Variants in PHLPP1 observed in about 807,000 individuals in gnomAD.
PHLPP1 encodes the protein PH domain and leucine rich repeat protein phosphatase 1.
Under a neutral mutation model 117.2 loss-of-function variants are expected in PHLPP1, and 42 were observed. The ratio of observed to expected loss-of-function variants is 0.36; its 90% confidence interval spans 0.28 to 0.46. The LOEUF is 0.46. Ranked by LOEUF, PHLPP1 falls within the 20% of genes least tolerant of loss-of-function variation. The pLI, the probability that PHLPP1 is intolerant of heterozygous loss-of-function variation, is 1.00. For missense variants in PHLPP1, 2,084 were observed against 2,241.9 expected, an observed-to-expected ratio of 0.93 and a Z score of 1.42; for synonymous variants, 1,042 against 970.7, an observed-to-expected ratio of 1.07 and a Z score of -1.37.
chr18:62,938,953 A>G (rs1910050123), intron 10 of PHLPP1, among the ~76,000 whole-genome samples: 1 of 149,776 alleles, frequency 6.7e-6, no homozygotes, highest in Non-Finnish European at 1.5e-5. Context: ...CATATTTCCT[A>G]GAGAATTCTA....
intron 2 of PHLPP1, among the ~76,000 whole-genome samples, chr18:62,834,742 G>A (rs919778711): frequency 6.6e-6 from 1 of 152,122 alleles, no homozygotes; most frequent in African/African-American, 2.4e-5. Flanking sequence ...AACACAATTT[G>A]ATAGCTGTAT....
rs1916545813 is a variant in PHLPP1, at chr18:62,895,789, C to T, written c.2222C>T (p.Thr741Ile). The T allele has an allele frequency of 6.3e-7, 1 of 1,597,554 alleles. No individual in the cohort carries two copies. The highest frequency in any genetic ancestry group is 1.3e-5 in the African/African-American group (1 of 74,728). Residue 741 changes from threonine to isoleucine, a missense_variant, in exon 6 of 17, where the codon ACA becomes ATA. Thr to Ile is a moderately conservative substitution (Grantham distance 89, BLOSUM62 -1). Transcript: ENST00000262719. The stretch of plus-strand genomic sequence containing the variant: ...TATGTTTTCTCTAATAGCTTACAGA[C>T]ATTTTTGTTGGATGGAAACTTTCTC... ...AAVGVMHNLQ[T>I]FLLDGNFLQS...
rs185124778 is a variant in PHLPP1, at chr18:62,912,584, G to A, written c.2709-2329G>A. Among the ~76,000 whole-genome samples the A allele has an allele frequency of 2.5e-3, 380 of 151,944 alleles. 4 individuals carry two copies. The highest frequency in any genetic ancestry group is 0.022 in the South Asian group (107 of 4,814). ...GGAAGAGTATAGGAATGGGATTTGC[G>A]TACATGGATGCATATAAATATCTTG... is the stretch of plus-strand genomic sequence containing the variant. On this transcript the variant is annotated intron_variant, in intron 8 of 16. Coordinates refer to ENST00000262719, the MANE Select transcript of PHLPP1 (RefSeq NM_194449.4).
At chr18:62,903,245 A>T in intron 7 of PHLPP1, 79 bp downstream of exon 7, 1 of 988,238 alleles carries the variant, frequency 1.0e-6, no homozygotes, top group Non-Finnish European at 1.6e-6. Context: ...GCTTCTGATT[A>T]TTCTTTGCTC....
At chr18:62,902,499 C>A (rs961570685) in intron 6 of PHLPP1, among the ~76,000 whole-genome samples, 2 of 152,192 alleles carry the variant, frequency 1.3e-5, no homozygotes, top group Admixed American at 6.5e-5. Flanking sequence ...TGCTACTCAT[C>A]CGCCTGTTCA....
At chr18:62,813,066 A>G (rs528770075) in intron 1 of PHLPP1, among the ~76,000 whole-genome samples, 1 of 152,366 alleles carries the variant, frequency 6.6e-6, no homozygotes, top group South Asian at 2.1e-4. Context: ...ACAGATGGTG[A>G]AGACATTGAA....
chr18:62,948,555 C>T (rs1910363774), intron 12 of PHLPP1, among the ~76,000 whole-genome samples: 1 of 151,858 alleles, frequency 6.6e-6, no homozygotes, highest in African/African-American at 2.4e-5. Context: ...CATTTTTTTG[C>T]TCTTTGGTTG....
chr18:62,975,933 A>T (rs528174472), intron 16 of PHLPP1, among the ~76,000 whole-genome samples: 3 of 152,324 alleles, frequency 2.0e-5, no homozygotes, highest in Admixed American at 2.0e-4. Context: ...TCACACTGCT[A>T]GTTTTCATAT....
intron 3 of PHLPP1, among the ~76,000 whole-genome samples, chr18:62,852,957 A>C (rs1915396871): frequency 6.6e-6 from 1 of 152,196 alleles, no homozygotes; most frequent in Admixed American, 6.5e-5. Context: ...AGGATAGGAC[A>C]GATAGATTGG....
At chr18:62,758,965 C>T (rs895973006) in intron 1 of PHLPP1, among the ~76,000 whole-genome samples, 8 of 152,162 alleles carry the variant, frequency 5.3e-5, no homozygotes, top group Non-Finnish European at 1.0e-4. Context: ...GTAATGTTTA[C>T]AGAGCCGACT....
At chr18:62,965,459 T>TC (rs1910874600) in intron 14 of PHLPP1, among the ~76,000 whole-genome samples, 1 of 144,024 alleles carries the variant, frequency 6.9e-6, no homozygotes, top group Non-Finnish European at 1.5e-5. Context: ...CCTCTTTTTT[T>TC]TTTTTTTTTT....
intron 1 of PHLPP1, among the ~76,000 whole-genome samples, chr18:62,776,113 T>A (rs892247444): frequency 2.9e-4 from 44 of 152,154 alleles, no homozygotes; most frequent in African/African-American, 1.1e-3. Context: ...TTGGCTTGCT[T>A]ATGGGAACTG....
At chr18:62,892,513 T>C (rs1300077985) in intron 4 of PHLPP1, among the ~76,000 whole-genome samples, 1 of 152,048 alleles carries the variant, frequency 6.6e-6, no homozygotes, top group Non-Finnish European at 1.5e-5. Context: ...TCCACTGAAA[T>C]ATGAGAGTGA....
At chr18:62,912,613 A>G (rs995843990) in intron 8 of PHLPP1, among the ~76,000 whole-genome samples, 1 of 151,828 alleles carries the variant, frequency 6.6e-6, no homozygotes, top group South Asian at 2.1e-4. Context: ...TATCTTGAAC[A>G]GTTCTTTTCT....
chr18:62,945,062 G>T, intron 11 of PHLPP1, 47 bp from the exon 12 acceptor site: 1 of 1,341,952 alleles, frequency 7.5e-7, no homozygotes, highest in East Asian at 2.7e-5. Context: ...TTTGATTCTC[G>T]TCCTATATTA....
intron 1 of PHLPP1, among the ~76,000 whole-genome samples, chr18:62,774,160 G>A (rs1417430503): frequency 6.6e-6 from 1 of 152,170 alleles, no homozygotes; most frequent in African/African-American, 2.4e-5. Flanking sequence ...TTGGTCTGTT[G>A]TCCAAAATCT....
intron 1 of PHLPP1, among the ~76,000 whole-genome samples, chr18:62,738,401 A>G (rs1041301304): frequency 2.0e-5 from 3 of 152,206 alleles, no homozygotes; most frequent in Non-Finnish European, 4.4e-5. Flanking sequence ...ACAATAAAAA[A>G]TAATAAAAAA....
Position 62,874,645 on chromosome 18 carries a change from G to A in PHLPP1, c.2066+14044G>A, listed in dbSNP as rs539837148. Reference sequence around the variant, plus strand: ...AGGACAGCATCCCATCACAGGGCGCGCACGCACGCGCGCACACACACACAC... The same window carrying A: ...AGGACAGCATCCCATCACAGGGCGCACACGCACGCGCGCACACACACACAC... On this transcript the variant is annotated intron_variant, in intron 4 of 16. Transcript: ENST00000262719. Among the ~76,000 whole-genome samples the A allele has an allele frequency of 2.5e-5, 3 of 117,850 alleles. No homozygotes were observed. In the East Asian group the frequency reaches 7.3e-4, roughly 29 times the overall value. 77.3% of individuals were successfully genotyped at this position (117,850 alleles called of 152,430 possible).
intron 8 of PHLPP1, among the ~76,000 whole-genome samples, chr18:62,914,420 C>G (rs1381036234): frequency 2.0e-5 from 3 of 152,002 alleles, no homozygotes; most frequent in African/African-American, 7.3e-5. Context: ...GTAACTATGT[C>G]CTTCCTTCTT....
Sources: gnomAD v4.1 joint callset for allele counts (sites outside exome capture counted in the v4.1 genomes callset) on GRCh38, gnomAD v4.1.1 for gene constraint, MANE v1.5 for transcripts, NCBI Gene and HGNC (gene_info 2026-07-23, HGNC 2026-07-21) for gene names.